Variants in JAK2 observed in about 807,000 individuals in gnomAD.
The protein encoded by JAK2 is tyrosine-protein kinase JAK2.
Under a neutral mutation model 139.3 loss-of-function variants are expected in JAK2, and 86 were observed. The observed-to-expected ratio is 0.62, with a 90% CI of 0.52 to 0.74. The LOEUF is 0.74. Among genes scored for constraint, JAK2 ranks in the 30% least tolerant of loss-of-function variants. The pLI, the probability that JAK2 is intolerant of heterozygous loss-of-function variation, is 0.00. For synonymous variants in JAK2, 490 were observed against 437.7 expected (o/e 1.12, Z -1.49); for missense variants, 1,421 against 1,360.3 (o/e 1.04, Z -0.70).
intron 4 of JAK2, among the ~76,000 whole-genome samples, chr9:5,034,615 G>A (rs1256713805): frequency 6.6e-6 from 1 of 151,960 alleles, no homozygotes; most frequent in Non-Finnish European, 1.5e-5. Context: ...CATGGAAACT[G>A]AACAACCTGC....
At chr9:5,064,168 A>G (rs771142190) in intron 8 of JAK2, among the ~76,000 whole-genome samples, 9 of 152,106 alleles carry the variant, frequency 5.9e-5, no homozygotes, top group Non-Finnish European at 1.3e-4. Flanking sequence ...CGGGGGCCAC[A>G]AAAAAATCAT....
chr9:5,101,360 G>A (rs754347351), intron 22 of JAK2, among the ~76,000 whole-genome samples: 2 of 152,230 alleles, frequency 1.3e-5, no homozygotes, highest in Non-Finnish European at 2.9e-5. Context: ...GGCTTGAGTA[G>A]GTAAACAAAG....
At chr9:5,124,937 A>T (rs1484765262) in intron 23 of JAK2, among the ~76,000 whole-genome samples, 3 of 151,570 alleles carry the variant, frequency 2.0e-5, no homozygotes, top group African/African-American at 7.2e-5. Flanking sequence ...AACTAGCTTG[A>T]ATTTTTAAAA....
intron 22 of JAK2, among the ~76,000 whole-genome samples, chr9:5,118,796 T>C (rs1000666938): frequency 2.6e-5 from 4 of 151,808 alleles, no homozygotes; most frequent in African/African-American, 9.7e-5. Flanking sequence ...TTAAAAATTA[T>C]CTGTTATTGG....
chr9:5,115,429 G>A (rs1164304246), intron 22 of JAK2, among the ~76,000 whole-genome samples: 2 of 152,210 alleles, frequency 1.3e-5, no homozygotes, highest in Non-Finnish European at 2.9e-5. Flanking sequence ...TGAAGAGGAT[G>A]TGGAAAAACA....
intron 19 of JAK2, among the ~76,000 whole-genome samples, chr9:5,086,322 T>C (rs767218539): frequency 1.1e-4 from 16 of 152,186 alleles, no homozygotes; most frequent in Non-Finnish European, 2.1e-4. Flanking sequence ...CTTTATATCC[T>C]TTACCTTCTC....
chr9:5,035,517 T>G (rs1057254821), intron 4 of JAK2, among the ~76,000 whole-genome samples: 7 of 152,084 alleles, frequency 4.6e-5, no homozygotes, highest in African/African-American at 1.7e-4. Flanking sequence ...CAGCAGCACA[T>G]CAAAAAGCTT....
intron 22 of JAK2, among the ~76,000 whole-genome samples, chr9:5,095,752 A>G (rs1348680008): frequency 6.6e-6 from 1 of 152,224 alleles, no homozygotes; most frequent in African/African-American, 2.4e-5. Context: ...ACAATTCTGC[A>G]AAATCTTAAC....
At chr9:5,041,617 T>G (rs941870778) in intron 4 of JAK2, 17 of 496,310 alleles carry the variant, frequency 3.4e-5, no homozygotes, top group Admixed American at 7.1e-5. Flanking sequence ...TGTGACTACA[T>G]GCGGCGCCTG....
At position 5,069,084 on chromosome 9, in the gene JAK2, C is replaced by A; in HGVS notation, c.1389C>A (p.Asn463Lys). ...LITKNENEEY[N>K]LSGTKKNFSS... ...CAAAAAATGAGAATGAAGAGTACAA[C>A]CTCAGTGGGACAAAGAAGAACTTCA... is the stretch of plus-strand genomic sequence containing the variant. The change falls in exon 11 of 25, where the codon AAC (asparagine) becomes AAA (lysine). Residue 463 changes from asparagine to lysine, a missense_variant. Coordinates refer to ENST00000381652, the MANE Select transcript of JAK2 (RefSeq NM_004972.4). 1.2e-6 allele frequency: 2 copies of A among 1,610,496 alleles called. No individual in the cohort carries two copies. Among genetic ancestry groups the A allele is most frequent in the Non-Finnish European group, 8.5e-7 (1 of 1,177,434 alleles).
chr9:5,002,887 C>A (rs78885932), intron 2 of JAK2, among the ~76,000 whole-genome samples: 66 of 151,782 alleles, frequency 4.3e-4, no homozygotes, highest in African/African-American at 1.5e-3. Flanking sequence ...GTCTGTTTTC[C>A]ATCTTAAATT....
At chr9:5,084,838 T>A (rs1432478642) in intron 19 of JAK2, among the ~76,000 whole-genome samples, 2 of 152,018 alleles carry the variant, frequency 1.3e-5, no homozygotes, top group Non-Finnish European at 2.9e-5. Context: ...TAAAAAGTTT[T>A]CTGAAAAAAC....
intron 4 of JAK2, among the ~76,000 whole-genome samples, chr9:5,036,090 GACAA>G (rs1162451360): frequency 2.0e-5 from 3 of 152,142 alleles, no homozygotes; most frequent in Admixed American, 6.5e-5. Context: ...ACCAATAACA[GACAA>G]ACAGAGAGCC....
chr9:5,053,993 A>G (rs1478416483), intron 6 of JAK2, among the ~76,000 whole-genome samples: 1 of 152,118 alleles, frequency 6.6e-6, no homozygotes, highest in Non-Finnish European at 1.5e-5. Context: ...TATTGTACAT[A>G]GAGATGAATG....
At chr9:5,043,347 AAAG>A (rs1249802770) in intron 4 of JAK2, among the ~76,000 whole-genome samples, 3 of 152,230 alleles carry the variant, frequency 2.0e-5, no homozygotes, top group African/African-American at 7.2e-5. Flanking sequence ...CCTCCGAAAA[AAAG>A]ATGCCCAACA....
At chr9:5,070,613 G>T (rs1586737227) in intron 12 of JAK2, among the ~76,000 whole-genome samples, 1 of 151,954 alleles carries the variant, frequency 6.6e-6, no homozygotes, top group African/African-American at 2.4e-5. Context: ...AGCAGGACTT[G>T]CTGTGTCACC....
intron 5 of JAK2, among the ~76,000 whole-genome samples, chr9:5,047,641 GT>G (rs1162038512): frequency 6.6e-6 from 1 of 152,070 alleles, no homozygotes; most frequent in Admixed American, 6.6e-5. Flanking sequence ...ATGAGAAAAG[GT>G]TTTCTTTCTT....
At chr9:5,091,739 T>C (rs1485621208) in intron 22 of JAK2, 1 of 152,140 alleles carries the variant, frequency 6.6e-6, no homozygotes, top group African/African-American at 2.4e-5. Context: ...AAGCTAGATT[T>C]TGGCTTATGA....
intron 2 of JAK2, among the ~76,000 whole-genome samples, chr9:5,003,826 T>A (rs1563919143): frequency 6.7e-6 from 1 of 150,340 alleles, no homozygotes. Flanking sequence ...TTAGGTATAT[T>A]GTTTTTTTAC....
Sources: gnomAD v4.1 joint callset for allele counts (sites outside exome capture counted in the v4.1 genomes callset) on GRCh38, gnomAD v4.1.1 for gene constraint, MANE v1.5 for transcripts, NCBI Gene and HGNC (gene_info 2026-07-23, HGNC 2026-07-21) for gene names.